FNDC3A: variants seen among roughly 807,000 people sequenced by gnomAD.
FNDC3A encodes fibronectin type-III domain-containing protein 3A.
Under a neutral mutation model 148.9 loss-of-function variants are expected in FNDC3A, and 32 were observed. The observed-to-expected ratio is 0.21, with a 90% CI of 0.16 to 0.29. FNDC3A has a LOEUF of 0.29. Ranked by LOEUF, FNDC3A falls within the 10% of genes least tolerant of loss-of-function variation. FNDC3A has a pLI of 1.00. For missense variants in FNDC3A, 1,191 were observed against 1,452.8 expected (o/e 0.82, Z 2.93); for synonymous variants, 472 against 473.6 (o/e 1.00, Z 0.04).
At chr13:49,182,706 C>G (rs549128379) in intron 14 of FNDC3A, among the ~76,000 whole-genome samples, 1 of 152,236 alleles carries the variant, frequency 6.6e-6, no homozygotes, top group South Asian at 2.1e-4. Flanking sequence ...CTATCTGGCT[C>G]CGTTAACTAC....
chr13:49,203,791 C>T (rs1886524545), intron 25 of FNDC3A, among the ~76,000 whole-genome samples: 1 of 152,058 alleles, frequency 6.6e-6, no homozygotes, highest in Admixed American at 6.6e-5. Flanking sequence ...AGGAACATGC[C>T]TATTAAATCT....
chr13:49,088,961 C>T lies in FNDC3A; in HGVS notation c.175+13597C>T, dbSNP rs139728059. Among the ~76,000 whole-genome samples, 59 of 152,186 alleles carry T rather than the reference C, an allele frequency of 3.9e-4. No individual in the cohort carries two copies. In the East Asian group the frequency reaches 9.3e-3, roughly 24 times the overall value. ...AAAAGATAAATATTGTGTGATTCCACTTACGTGAGGTATCCAAAATAGTCA... is the reference window on the plus strand; with the variant it reads ...AAAAGATAAATATTGTGTGATTCCATTTACGTGAGGTATCCAAAATAGTCA... On this transcript the variant is annotated intron_variant, in intron 3 of 25. Coordinates refer to ENST00000492622, the MANE Select transcript of FNDC3A (RefSeq NM_001079673.2).
In FNDC3A at chr13:49,133,757, C is replaced by T. The variant is rs141283330; in HGVS notation, c.490+2383C>T. On this transcript the variant is annotated intron_variant, in intron 5 of 25. Transcript: ENST00000492622. The stretch of plus-strand genomic sequence containing the variant: ...TTCTGCAAAATTCAAATGAGGAAAC[C>T]GAGGCTCAGAAATGTTAAGTAATTT... Among the ~76,000 whole-genome samples the T allele has an allele frequency of 2.1e-3, 313 of 152,210 alleles. 3 individuals carry two copies. The highest frequency in any genetic ancestry group is 7.2e-3 in the African/African-American group (297 of 41,534).
chr13:49,113,746 G>A (rs1477963256), intron 3 of FNDC3A, among the ~76,000 whole-genome samples: 1 of 152,090 alleles, frequency 6.6e-6, no homozygotes, highest in Non-Finnish European at 1.5e-5. Context: ...TGGGCATGAG[G>A]GGACACTGCA....
chr13:49,114,035 T>A (rs1286279281), intron 3 of FNDC3A, among the ~76,000 whole-genome samples: 1 of 152,174 alleles, frequency 6.6e-6, no homozygotes, highest in Non-Finnish European at 1.5e-5. Flanking sequence ...AAAAAAAATT[T>A]TTTTTTCCTT....
At chr13:49,116,991 G>T (rs1195886750) in intron 4 of FNDC3A, among the ~76,000 whole-genome samples, 1 of 152,134 alleles carries the variant, frequency 6.6e-6, no homozygotes, top group East Asian at 1.9e-4. Context: ...GGAACAGCAA[G>T]GAGGTCAGTA....
At chr13:49,001,924 C>T (rs936193450) in intron 1 of FNDC3A, among the ~76,000 whole-genome samples, 3 of 152,124 alleles carry the variant, frequency 2.0e-5, no homozygotes, top group Admixed American at 1.3e-4. Context: ...GTGACCCACA[C>T]CCTATTTGTA....
intron 3 of FNDC3A, among the ~76,000 whole-genome samples, chr13:49,090,951 G>A (rs1292040883): frequency 1.3e-5 from 2 of 152,144 alleles, no homozygotes; most frequent in Admixed American, 1.3e-4. Flanking sequence ...CTATGCTTGT[G>A]CTGTTGCACT....
At chr13:48,988,245 C>T (rs912295712) in intron 1 of FNDC3A, among the ~76,000 whole-genome samples, 1 of 152,114 alleles carries the variant, frequency 6.6e-6, no homozygotes, top group Non-Finnish European at 1.5e-5. Flanking sequence ...ATCAACGAGA[C>T]AGGAAATTAA....
At chr13:49,131,645 G>A (rs1420576124) in intron 5 of FNDC3A, among the ~76,000 whole-genome samples, 2 of 152,104 alleles carry the variant, frequency 1.3e-5, no homozygotes, top group African/African-American at 4.8e-5. Flanking sequence ...CTTTTCCTCT[G>A]GCCTGCAATC....
intron 7 of FNDC3A, among the ~76,000 whole-genome samples, chr13:49,141,450 T>C (rs1275912602): frequency 6.6e-6 from 1 of 152,192 alleles, no homozygotes; most frequent in East Asian, 1.9e-4. Context: ...AGAAGTACTA[T>C]CTAACTCCAA....
chr13:49,146,418 C>T (rs150908727), intron 8 of FNDC3A: 33 of 152,968 alleles, frequency 2.2e-4, no homozygotes, highest in Non-Finnish European at 4.5e-4. Flanking sequence ...TGAAAACTTA[C>T]GTATTTCTTT....
At chr13:49,051,260 A>G (rs1471921155) in intron 2 of FNDC3A, among the ~76,000 whole-genome samples, 1 of 152,076 alleles carries the variant, frequency 6.6e-6, no homozygotes, top group Non-Finnish European at 1.5e-5. Context: ...ATTGTTATAT[A>G]GGGTCCTGTG....
At chr13:49,008,796 T>C (rs1319820874) in intron 2 of FNDC3A, among the ~76,000 whole-genome samples, 1 of 152,090 alleles carries the variant, frequency 6.6e-6, no homozygotes, top group Admixed American at 6.6e-5. Context: ...CTTATGAACC[T>C]TTTTTTGTGG....
At chr13:49,061,045 T>C (rs1243167069) in intron 2 of FNDC3A, among the ~76,000 whole-genome samples, 1 of 152,114 alleles carries the variant, frequency 6.6e-6, no homozygotes, top group East Asian at 1.9e-4. Flanking sequence ...TTGATTATAA[T>C]ATTGATTTTT....
At chr13:49,115,617 A>T (rs767596028) in intron 4 of FNDC3A, among the ~76,000 whole-genome samples, 5 of 152,234 alleles carry the variant, frequency 3.3e-5, no homozygotes, top group Non-Finnish European at 7.3e-5. Context: ...CTGAATCCAT[A>T]TCTTATTTCA....
chr13:49,104,629 TC>T (rs1880057840), intron 3 of FNDC3A, among the ~76,000 whole-genome samples: 1 of 152,154 alleles, frequency 6.6e-6, no homozygotes, highest in Non-Finnish European at 1.5e-5. Flanking sequence ...CTAGGTACCA[TC>T]CTCTTATTAA....
chr13:49,148,283 G>A (rs1229598456), intron 8 of FNDC3A, among the ~76,000 whole-genome samples: 1 of 151,904 alleles, frequency 6.6e-6, no homozygotes. Context: ...TAAAATCTTT[G>A]CTTAAACCAG....
At chr13:49,153,935 T>G (rs1883485388) in intron 8 of FNDC3A, among the ~76,000 whole-genome samples, 2 of 135,188 alleles carry the variant, frequency 1.5e-5, no homozygotes, top group Admixed American at 1.6e-4. Flanking sequence ...TGTAGTATAG[T>G]TTGAAGTCAG....
Sources: gnomAD v4.1 joint callset for allele counts (sites outside exome capture counted in the v4.1 genomes callset) on GRCh38, gnomAD v4.1.1 for gene constraint, MANE v1.5 for transcripts, NCBI Gene and HGNC (gene_info 2026-07-23, HGNC 2026-07-21) for gene names.